Variants in MINDY4 observed in about 807,000 individuals in gnomAD.
MINDY4 encodes the protein probable ubiquitin carboxyl-terminal hydrolase MINDY-4.
Under a neutral mutation model 87.0 loss-of-function variants are expected in MINDY4, and 68 were observed. That is an observed-to-expected ratio of 0.78 (90% confidence interval 0.64 to 0.96). The LOEUF is 0.96. Ranked by LOEUF, MINDY4 falls within the 40% of genes least tolerant of loss-of-function variation. The probability of loss-of-function intolerance (pLI) is 0.00; values close to 1 mark genes in which losing one functional copy is unlikely to be tolerated. For missense variants in MINDY4, 919 were observed against 928.2 expected, an observed-to-expected ratio of 0.99 and a Z score of 0.13; for synonymous variants, 379 against 363.2, an observed-to-expected ratio of 1.04 and a Z score of -0.50.
At chr7:30,861,109 G>A (rs1038580988) in intron 13 of MINDY4, among the ~76,000 whole-genome samples, 18 of 152,202 alleles carry the variant, frequency 1.2e-4, no homozygotes, top group African/African-American at 4.1e-4. Context: ...CCTGGGTCCT[G>A]CAGGCAGATG....
chr7:30,824,762 G>A (rs1224398968), intron 5 of MINDY4, among the ~76,000 whole-genome samples: 1 of 152,144 alleles, frequency 6.6e-6, no homozygotes, highest in Non-Finnish European at 1.5e-5. Flanking sequence ...TTTGTGGAGA[G>A]AGGGTCTTGA....
At chr7:30,786,061 C>T (rs557679102) in intron 4 of MINDY4, 69 bp downstream of exon 4, 4 of 1,585,106 alleles carry the variant, frequency 2.5e-6, no homozygotes, top group Admixed American at 1.7e-5. Flanking sequence ...TAAGGCACGC[C>T]TGGGTTTATT....
chr7:30,878,125 TCTGGC>T (rs1314518356), intron 15 of MINDY4, among the ~76,000 whole-genome samples: 3 of 152,122 alleles, frequency 2.0e-5, no homozygotes, highest in African/African-American at 4.8e-5. Context: ...GGGCCCTTGC[TCTGGC>T]CTGGCCTGGC....
At chr7:30,777,656 G>A (rs1332744322) in intron 1 of MINDY4, among the ~76,000 whole-genome samples, 1 of 152,096 alleles carries the variant, frequency 6.6e-6, no homozygotes, top group Non-Finnish European at 1.5e-5. Context: ...GTAGCACTGG[G>A]GGTCTGGAAT....
chr7:30,789,840 T>C (rs954581806), intron 4 of MINDY4, among the ~76,000 whole-genome samples: 1 of 152,210 alleles, frequency 6.6e-6, no homozygotes, highest in African/African-American at 2.4e-5. Context: ...ACAACATGAG[T>C]TCCCATTTCC....
At chr7:30,813,865 T>G (rs1230633814) in intron 5 of MINDY4, among the ~76,000 whole-genome samples, 1 of 152,174 alleles carries the variant, frequency 6.6e-6, no homozygotes, top group Non-Finnish European at 1.5e-5. Flanking sequence ...TCTCTGTGCT[T>G]TGGGTGTAGG....
intron 15 of MINDY4, among the ~76,000 whole-genome samples, chr7:30,880,022 T>A (rs1790409160): frequency 6.6e-6 from 1 of 152,224 alleles, no homozygotes; most frequent in African/African-American, 2.4e-5. Flanking sequence ...AATTAATGTG[T>A]CATCCCCATC....
intron 13 of MINDY4, among the ~76,000 whole-genome samples, chr7:30,859,544 T>C (rs1789686765): frequency 6.6e-6 from 1 of 152,142 alleles, no homozygotes; most frequent in African/African-American, 2.4e-5. Flanking sequence ...ATGTGTGTGG[T>C]GGACAACCTG....
chr7:30,806,741 T>C (rs1040209324), intron 5 of MINDY4, among the ~76,000 whole-genome samples: 2 of 152,260 alleles, frequency 1.3e-5, no homozygotes, highest in Non-Finnish European at 2.9e-5. Flanking sequence ...TCTTTTTTTA[T>C]TGAAGGCTAG....
chr7:30,854,605 A>T (rs1772044060), intron 12 of MINDY4, among the ~76,000 whole-genome samples: 1 of 152,094 alleles, frequency 6.6e-6, no homozygotes, highest in South Asian at 2.1e-4. Flanking sequence ...TGTGGGATCC[A>T]TTCTTTTTGG....
chr7:30,853,349 G>A (rs1315334317), intron 11 of MINDY4, 45 bp from the exon 12 acceptor site: 9 of 1,543,572 alleles, frequency 5.8e-6, no homozygotes, highest in Non-Finnish European at 7.1e-6. Flanking sequence ...ATGGGGCACT[G>A]CGTGGGGCTT....
intron 13 of MINDY4, among the ~76,000 whole-genome samples, chr7:30,865,422 G>A (rs886432825): frequency 8.5e-5 from 13 of 152,234 alleles, no homozygotes; most frequent in African/African-American, 2.9e-4. Flanking sequence ...GTGGACCCAC[G>A]GGGGCATGGA....
intron 13 of MINDY4, 113 bp downstream of exon 13, chr7:30,859,437 T>A: frequency 9.9e-7 from 1 of 1,008,808 alleles, no homozygotes; most frequent in South Asian, 1.4e-5. Context: ...CTGTGAGTAT[T>A]GTGGAAAGGA....
At chr7:30,836,790 A>G (rs2128566006) in intron 7 of MINDY4, 26 bp downstream of exon 7, 1 of 1,563,310 alleles carries the variant, frequency 6.4e-7, no homozygotes, top group Non-Finnish European at 8.8e-7. Context: ...CTCCTGGGTT[A>G]AATGTGTCTT....
At chr7:30,775,264 C>T (rs1786774487) in intron 1 of MINDY4, among the ~76,000 whole-genome samples, 1 of 152,164 alleles carries the variant, frequency 6.6e-6, no homozygotes, top group Non-Finnish European at 1.5e-5. Context: ...AACTTCTGAC[C>T]AACTAGCTAT....
intron 5 of MINDY4, among the ~76,000 whole-genome samples, chr7:30,826,310 G>A (rs139311248): frequency 7.9e-5 from 12 of 152,302 alleles, no homozygotes; most frequent in African/African-American, 1.9e-4. Flanking sequence ...TCTGTGTAAT[G>A]TGTTTCTTCT....
At chr7:30,783,490 C>G (rs956443911) in intron 3 of MINDY4, among the ~76,000 whole-genome samples, 2 of 152,150 alleles carry the variant, frequency 1.3e-5, no homozygotes, top group African/African-American at 4.8e-5. Context: ...GAACACTAAG[C>G]ATGAGGGAGT....
At position 30,800,620 on chromosome 7, in the gene MINDY4, A is replaced by T. The variant is rs148709455; in HGVS notation, c.1073+9046A>T. On this transcript the variant is annotated intron_variant, in intron 5 of 17. Coordinates refer to ENST00000265299, the MANE Select transcript of MINDY4 (RefSeq NM_032222.3). ...GTTCAGGGAGCAGTTAAGGGACGCT[A>T]TTGAGGGGGCAGGAGGGCCCTGGGC... 1.5e-3 allele frequency among the ~76,000 whole-genome samples: 227 copies of T among 152,302 alleles called. 1 individual carries two copies. The highest frequency in any genetic ancestry group is 5.0e-3 in the South Asian group (24 of 4,828).
At chr7:30,785,660 T>C (rs1466971485) in intron 3 of MINDY4, 89 bp from the exon 4 acceptor site, 2 of 1,473,126 alleles carry the variant, frequency 1.4e-6, no homozygotes, top group Non-Finnish European at 1.9e-6. Context: ...TGGGCTTGCT[T>C]TGAATGCACA....
Sources: allele counts gnomAD v4.1 joint callset (sites outside exome capture counted in the v4.1 genomes callset), GRCh38; gene constraint gnomAD v4.1.1; transcripts MANE v1.5; gene names NCBI Gene and HGNC (gene_info 2026-07-23, HGNC 2026-07-21).